Variants in ANO2 observed in about 807,000 individuals in gnomAD.
The protein encoded by ANO2 is anoctamin 2, also known as anoctamin-2.
In ANO2, 101 loss-of-function variants were observed where a neutral mutation model predicts 124.2. The ratio of observed to expected loss-of-function variants is 0.81; its 90% confidence interval spans 0.69 to 0.96. The LOEUF (loss-of-function observed/expected upper bound fraction) is 0.96, where lower values mean the gene tolerates loss of function less well. Ranked by LOEUF, ANO2 falls within the 40% of genes least tolerant of loss-of-function variation. The pLI is 0.00. For synonymous variants in ANO2, 486 were observed against 482.5 expected (o/e 1.01, Z -0.09); for missense variants, 1,293 against 1,274.5 (o/e 1.01, Z -0.22).
intron 7 of ANO2, among the ~76,000 whole-genome samples, chr12:5,808,520 A>G (rs769422950): frequency 1.1e-4 from 16 of 152,128 alleles, no homozygotes; most frequent in Admixed American, 2.0e-4. Flanking sequence ...ACATTTAATC[A>G]TGGAGGGGGA....
At chr12:5,826,176 A>G (rs931652102) in intron 7 of ANO2, among the ~76,000 whole-genome samples, 7 of 152,180 alleles carry the variant, frequency 4.6e-5, no homozygotes, top group Admixed American at 6.5e-5. Flanking sequence ...ATTGGGGATG[A>G]GTGCATTTCC....
At chr12:5,894,587 T>C (rs1012193147) in intron 3 of ANO2, among the ~76,000 whole-genome samples, 2 of 152,236 alleles carry the variant, frequency 1.3e-5, no homozygotes, top group Non-Finnish European at 2.9e-5. Flanking sequence ...CTGAATGGTA[T>C]TGCCTAGGTT....
rs747655609 is a variant in ANO2 at position 5,565,600 on chromosome 12, C to A, written c.2685G>T (p.Trp895Cys). The stretch of plus-strand genomic sequence containing the variant: ...AAGCCAGACGGGCGGACAGAATAAA[C>A]CAGTACTGTTTCGAAAACTCATAAG... ...PNPYEFSKQY[W>C]FILSARLAFV... Residue 895 changes from tryptophan (W) to cysteine (C), a missense_variant, in exon 24 of 25, where the codon TGG becomes TGT. Trp to Cys is a radical substitution (Grantham distance 215, BLOSUM62 -2). Coordinates refer to ENST00000682330, the MANE Select transcript of ANO2 (RefSeq NM_001364791.2). 2.7e-5 allele frequency: 43 copies of A among 1,606,240 alleles called. No homozygotes were observed. Among genetic ancestry groups the A allele is most frequent in the Non-Finnish European group, 3.5e-5 (41 of 1,176,240 alleles).
chr12:5,691,343 AAAAAGAAG>A (rs754465438), intron 14 of ANO2, among the ~76,000 whole-genome samples: 2 of 116,974 alleles, frequency 1.7e-5, no homozygotes, highest in Non-Finnish European at 3.7e-5. Context: ...AAAAAAAAAA[AAAAAGAAG>A]AAGAAGAAGA....
At chr12:5,749,117 C>T (rs1951363480) in intron 11 of ANO2, among the ~76,000 whole-genome samples, 1 of 152,176 alleles carries the variant, frequency 6.6e-6, no homozygotes, top group Non-Finnish European at 1.5e-5. Context: ...ATAGAGTATG[C>T]ACCAGTAGGC....
intron 16 of ANO2, among the ~76,000 whole-genome samples, chr12:5,616,473 A>T (rs556521428): frequency 6.6e-6 from 1 of 152,320 alleles, no homozygotes; most frequent in African/African-American, 2.4e-5. Flanking sequence ...CAACATAGGA[A>T]TTTTGGGGAA....
intron 1 of ANO2, among the ~76,000 whole-genome samples, chr12:5,935,186 G>A (rs559134718): frequency 1.6e-4 from 25 of 152,202 alleles, no homozygotes; most frequent in Non-Finnish European, 3.7e-4. Context: ...TGGGCTAGTT[G>A]CACACTGCTT....
At chr12:5,643,063 T>TACAC (rs67252256) in intron 15 of ANO2, among the ~76,000 whole-genome samples, 22,329 of 149,984 alleles carry the variant, frequency 0.15, 1,900 homozygotes, top group African/African-American at 0.23. Flanking sequence ...AAATCCATTT[T>TACAC]ACACACACAC....
intron 14 of ANO2, among the ~76,000 whole-genome samples, chr12:5,651,928 T>C (rs865917157): frequency 9.2e-5 from 14 of 152,244 alleles, no homozygotes; most frequent in African/African-American, 3.1e-4. Context: ...TCTTGGTAGT[T>C]TGTTCGTTTT....
chr12:5,593,321 C>T (rs989435433), intron 20 of ANO2, among the ~76,000 whole-genome samples: 3 of 152,022 alleles, frequency 2.0e-5, no homozygotes, highest in South Asian at 2.1e-4. Flanking sequence ...ATTATAATAG[C>T]GATTATTTTT....
intron 20 of ANO2, chr12:5,583,983 CAGAATGATCT>C: frequency 4.2e-6 from 1 of 240,014 alleles, no homozygotes; most frequent in Non-Finnish European, 9.2e-6. Context: ...AAGTGACCCC[CAGAATGATCT>C]CACCTTCCTT....
chr12:5,686,222 C>T (rs1002460492), intron 14 of ANO2, among the ~76,000 whole-genome samples: 9 of 152,190 alleles, frequency 5.9e-5, no homozygotes, highest in African/African-American at 2.2e-4. Context: ...TGTGCTCTTA[C>T]AGGCTGTCAG....
intron 10 of ANO2, among the ~76,000 whole-genome samples, chr12:5,788,985 T>C (rs763032312): frequency 5.3e-5 from 8 of 152,256 alleles, no homozygotes; most frequent in Non-Finnish European, 1.2e-4. Flanking sequence ...GAGATGATCC[T>C]GATGCTGCTA....
chr12:5,887,404 C>G (rs905545494), intron 3 of ANO2, among the ~76,000 whole-genome samples: 9 of 152,162 alleles, frequency 5.9e-5, no homozygotes, highest in African/African-American at 2.2e-4. Context: ...AAGAAGGGCC[C>G]CTGAGCCCAG....
chr12:5,639,451 A>G (rs1335977493), intron 15 of ANO2, among the ~76,000 whole-genome samples: 1 of 152,230 alleles, frequency 6.6e-6, no homozygotes, highest in African/African-American at 2.4e-5. Context: ...GGGAAAACAT[A>G]GACAATAAAC....
chr12:5,911,945 C>T (rs1941075786), intron 3 of ANO2, among the ~76,000 whole-genome samples: 1 of 152,228 alleles, frequency 6.6e-6, no homozygotes, highest in Non-Finnish European at 1.5e-5. Context: ...GCAAAGCACA[C>T]AGCTGGCTAA....
At chr12:5,805,258 T>A (rs1953156199) in intron 9 of ANO2, among the ~76,000 whole-genome samples, 2 of 152,188 alleles carry the variant, frequency 1.3e-5, no homozygotes, top group South Asian at 4.1e-4. Flanking sequence ...CATGAATGAT[T>A]TTCCAGACAA....
intron 11 of ANO2, among the ~76,000 whole-genome samples, chr12:5,750,555 C>T (rs962637044): frequency 8.5e-5 from 13 of 152,180 alleles, no homozygotes; most frequent in African/African-American, 2.9e-4. Context: ...ATTTTTCTTA[C>T]CAGGAATTAT....
In ANO2 at chr12:5,921,003, T is replaced by C. The variant is rs1199257061; in HGVS notation, c.534+37A>G. The C allele has an allele frequency of 4.4e-6, 7 of 1,575,794 alleles. No individual in the cohort carries two copies. In the South Asian group the frequency reaches 5.8e-5, roughly 13 times the overall value. ...CTAGGAGCCCGGTTCTGTGGTGCCATTCCATCTCCAAGTCCCTGGCCACCC... is the reference window on the plus strand; with the variant it reads ...CTAGGAGCCCGGTTCTGTGGTGCCACTCCATCTCCAAGTCCCTGGCCACCC... On this transcript the variant is annotated intron_variant, in intron 3 of 24. Coordinates refer to ENST00000682330, the MANE Select transcript of ANO2 (RefSeq NM_001364791.2).
Sources: allele counts gnomAD v4.1 joint callset (sites outside exome capture counted in the v4.1 genomes callset), GRCh38; gene constraint gnomAD v4.1.1; transcripts MANE v1.5; gene names NCBI Gene and HGNC (gene_info 2026-07-23, HGNC 2026-07-21).